The following ERCC6L2 variants were observed in gnomAD, a reference collection of about 807,000 sequenced individuals.
ERCC6L2 encodes the protein DNA excision repair protein ERCC-6-like 2.
In ERCC6L2, 77 loss-of-function variants were observed where a neutral mutation model predicts 132.0. The ratio of observed to expected loss-of-function variants is 0.58; its 90% CI spans 0.49 to 0.71. The LOEUF (loss-of-function observed/expected upper bound fraction) is 0.71, where lower values mean the gene tolerates loss of function less well. Among genes scored for constraint, ERCC6L2 ranks in the 30% least tolerant of loss-of-function variants. The pLI, the probability that ERCC6L2 is intolerant of heterozygous loss-of-function variation, is 0.00. For missense variants in ERCC6L2, 1,542 were observed against 1,837.6 expected (o/e 0.84, Z 2.94); for synonymous variants, 583 against 632.4 (o/e 0.92, Z 1.17).
chr9:96,002,272 T>G (rs1337699390), intron 17 of ERCC6L2, among the ~76,000 whole-genome samples: 1 of 152,222 alleles, frequency 6.6e-6, no homozygotes, highest in Non-Finnish European at 1.5e-5. Context: ...GCCAGCACGC[T>G]GTCACCTCTC....
chr9:95,903,566 ACTTT>A (rs1828882284), intron 3 of ERCC6L2, among the ~76,000 whole-genome samples: 1 of 152,042 alleles, frequency 6.6e-6, no homozygotes, highest in Non-Finnish European at 1.5e-5. Flanking sequence ...CTGGTTTGTA[ACTTT>A]CTGTTTTGAT....
chr9:95,900,244 C>T (rs764412983), intron 3 of ERCC6L2, among the ~76,000 whole-genome samples: 1 of 151,814 alleles, frequency 6.6e-6, no homozygotes, highest in Non-Finnish European at 1.5e-5. Context: ...AACAATTAGC[C>T]AGGTGTGGTA....
At chr9:95,970,316 G>C (rs1832355758) in intron 14 of ERCC6L2, among the ~76,000 whole-genome samples, 1 of 152,048 alleles carries the variant, frequency 6.6e-6, no homozygotes, top group Non-Finnish European at 1.5e-5. Flanking sequence ...AATGAAGTTG[G>C]CTGGAAAGTA....
intron 17 of ERCC6L2, among the ~76,000 whole-genome samples, chr9:95,983,958 A>C (rs1261319439): frequency 6.6e-6 from 1 of 152,038 alleles, no homozygotes; most frequent in Non-Finnish European, 1.5e-5. Context: ...TTTCAATTTT[A>C]CTTTTCCAAT....
intron 1 of ERCC6L2, among the ~76,000 whole-genome samples, chr9:95,878,199 C>G (rs1827392245): frequency 6.6e-6 from 1 of 152,200 alleles, no homozygotes; most frequent in Non-Finnish European, 1.5e-5. Context: ...TGGAACACAA[C>G]TGTGCCCATT....
chr9:95,984,531 C>A (rs689820), intron 17 of ERCC6L2, among the ~76,000 whole-genome samples: 94,550 of 151,726 alleles, frequency 0.62, 29,867 homozygotes, highest in East Asian at 0.72. Flanking sequence ...CTCAGCTGGA[C>A]ATAAGAAGCC....
intron 2 of ERCC6L2, among the ~76,000 whole-genome samples, chr9:95,894,409 T>C (rs989722460): frequency 1.3e-5 from 2 of 152,270 alleles, no homozygotes; most frequent in Non-Finnish European, 1.5e-5. Context: ...TCAAATATTT[T>C]ATAATTTATA....
intron 11 of ERCC6L2, among the ~76,000 whole-genome samples, chr9:95,930,588 C>G (rs1050866707): frequency 1.2e-4 from 19 of 152,146 alleles, no homozygotes; most frequent in African/African-American, 4.8e-5. Flanking sequence ...AGGCTACTTT[C>G]ACTACTCTCT....
chr9:96,010,296 G>A (rs1833985439), intron 18 of ERCC6L2, among the ~76,000 whole-genome samples: 1 of 152,202 alleles, frequency 6.6e-6, no homozygotes, highest in South Asian at 2.1e-4. Context: ...CCCATCTGAA[G>A]CCACAAAAGA....
At chr9:95,952,463 A>G (rs1220686205) in intron 12 of ERCC6L2, among the ~76,000 whole-genome samples, 1 of 152,194 alleles carries the variant, frequency 6.6e-6, no homozygotes, top group African/African-American at 2.4e-5. Context: ...AATCAGTGTA[A>G]TATGCCACAT....
chr9:95,959,024 C>G (rs1564263191), intron 13 of ERCC6L2, among the ~76,000 whole-genome samples: 1 of 151,872 alleles, frequency 6.6e-6, no homozygotes, highest in Non-Finnish European at 1.5e-5. Context: ...TTGGAAAAAA[C>G]TACTTTAAAG....
chr9:95,973,317 A>G (rs889018156), intron 16 of ERCC6L2, among the ~76,000 whole-genome samples: 1 of 152,154 alleles, frequency 6.6e-6, no homozygotes. Context: ...TCTAAATCAC[A>G]GTTCCTCTGC....
chr9:95,947,945 T>A (rs1392715566), intron 12 of ERCC6L2, among the ~76,000 whole-genome samples: 1 of 152,236 alleles, frequency 6.6e-6, no homozygotes, highest in Admixed American at 6.5e-5. Context: ...ACCCAAGTGT[T>A]CTGATGGAGA....
At chr9:95,926,850 TTGA>T (rs1830123440) in intron 9 of ERCC6L2, among the ~76,000 whole-genome samples, 1 of 152,040 alleles carries the variant, frequency 6.6e-6, no homozygotes, top group South Asian at 2.1e-4. Flanking sequence ...CTAATAATAC[TTGA>T]TGTTATATTT....
In ERCC6L2 at chr9:96,012,519, T is replaced by G; in HGVS notation, c.3969T>G (p.Ile1323Met). The G allele has an allele frequency of 7.3e-7, 1 of 1,367,518 alleles. No homozygotes were observed. Among genetic ancestry groups the G allele is most frequent in the South Asian group, 1.1e-5 (1 of 87,988 alleles). 84.7% of individuals were successfully genotyped at this position (1,367,518 alleles called of 1,614,324 possible). A position where few individuals can be genotyped will look rare whatever the true frequency, so the allele number is the denominator to read the frequency against. Residue 1323 changes from isoleucine to methionine, a missense_variant, in exon 19 of 19, where the codon ATT (isoleucine) becomes ATG (methionine). Ile to Met is a conservative substitution (Grantham distance 10). Around this residue, in one of 4 missense-constraint regions of ERCC6L2, gnomAD observed 442 missense variants for 583.4 expected, o/e 0.76. Transcript: ENST00000653738. ...TLSFKDSTNK[I>M]SQVCSLKTYK... is the part of the protein sequence containing the mutation. The stretch of plus-strand genomic sequence containing the variant: ...CATTTAAAGATTCTACCAACAAAAT[T>G]TCTCAAGTTTGCAGCCTAAAAACAT...
In ERCC6L2 at chr9:96,016,433, A is replaced by G. The variant is rs1834186987; in HGVS notation, c.*3230A>G. 6.6e-6 allele frequency among the ~76,000 whole-genome samples: 1 copy of G among 152,226 alleles called. No homozygotes were observed. Among genetic ancestry groups the G allele is most frequent in the African/African-American group, 2.4e-5 (1 of 41,450 alleles). ...TAAGCAATGATACCGTTTCTGGCTG[A>G]ACACTCACCACACAGCTATTAATAT... On this transcript the variant is annotated 3_prime_UTR_variant, in exon 19 of 19. Coordinates refer to ENST00000653738, the MANE Select transcript of ERCC6L2 (RefSeq NM_020207.7).
intron 6 of ERCC6L2, among the ~76,000 whole-genome samples, chr9:95,920,134 C>G (rs1282248783): frequency 6.6e-6 from 1 of 152,104 alleles, no homozygotes; most frequent in Non-Finnish European, 1.5e-5. Flanking sequence ...AAATGAAAAG[C>G]AGAAATGTCA....
chr9:95,995,423 GAAGT>G (rs1277784258), intron 17 of ERCC6L2, among the ~76,000 whole-genome samples: 6 of 152,196 alleles, frequency 3.9e-5, no homozygotes, highest in Non-Finnish European at 8.8e-5. Context: ...CTAAAAGTAA[GAAGT>G]AAGTTATAGA....
At chr9:95,985,863 G>A (rs1444279999) in intron 17 of ERCC6L2, among the ~76,000 whole-genome samples, 11 of 152,190 alleles carry the variant, frequency 7.2e-5, no homozygotes, top group Admixed American at 7.2e-4. Flanking sequence ...AAAAAGCTGT[G>A]AGAGCAGATT....
Sources: gnomAD v4.1 joint callset for allele counts (sites outside exome capture counted in the v4.1 genomes callset) on GRCh38, gnomAD v4.1.1 for gene constraint, gnomAD v4.1.1 regional missense constraint, MANE v1.5 for transcripts, NCBI Gene and HGNC (gene_info 2026-07-23, HGNC 2026-07-21) for gene names.